Variants in CGGBP1 observed in about 807,000 individuals in gnomAD.
The protein encoded by CGGBP1 is CGG triplet repeat-binding protein 1.
CGGBP1 carries 4 observed loss-of-function variants against 11.4 expected under a neutral mutation model. The observed-to-expected ratio is 0.35, with a 90% CI of 0.17 to 0.80. CGGBP1 has a LOEUF of 0.80. Among genes scored for constraint, CGGBP1 ranks in the 30% least tolerant of loss-of-function variants. CGGBP1 has a pLI of 0.52. For synonymous variants in CGGBP1, 76 were observed against 74.1 expected, an observed-to-expected ratio of 1.03 and a Z score of -0.13; for missense variants, 135 against 202.1, an observed-to-expected ratio of 0.67 and a Z score of 2.01.
upstream of CGGBP1, chr3:88,059,604 C>T: frequency 2.8e-6 from 4 of 1,403,932 alleles, no homozygotes; most frequent in Middle Eastern, 1.9e-4. Flanking sequence ...TGTCCAGTGC[C>T]CGCTCCTCCC....
chr3:88,097,432 AG>A (rs1704129826), intron 2 of CGGBP1, among the ~76,000 whole-genome samples: 6 of 152,016 alleles, frequency 3.9e-5, no homozygotes, highest in Non-Finnish European at 7.4e-5. Flanking sequence ...ATGAGACAGA[AG>A]GTTAACAAGG....
At chr3:88,087,891 G>A (rs1708420794) in intron 2 of CGGBP1, among the ~76,000 whole-genome samples, 1 of 152,172 alleles carries the variant, frequency 6.6e-6, no homozygotes, top group African/African-American at 2.4e-5. Context: ...TCTGACATCT[G>A]AAATGCTCCA....
At chr3:88,146,828 T>TC (rs1363653928) in intron 1 of CGGBP1, among the ~76,000 whole-genome samples, 1 of 152,156 alleles carries the variant, frequency 6.6e-6, no homozygotes, top group African/African-American at 2.4e-5. Context: ...TCTTGATTAC[T>TC]CCCCCAGCAT....
intron 2 of CGGBP1, among the ~76,000 whole-genome samples, chr3:88,097,069 C>T (rs968766721): frequency 1.3e-5 from 2 of 152,092 alleles, no homozygotes; most frequent in African/African-American, 4.8e-5. Flanking sequence ...TAACCAGCCC[C>T]TTACTAATGG....
At chr3:88,139,507 T>C in intron 2 of CGGBP1, 1 of 1,613,498 alleles carries the variant, frequency 6.2e-7, no homozygotes, top group Non-Finnish European at 8.5e-7. Context: ...GATCAGGAAG[T>C]CACTGCTTTG....
chr3:88,082,729 G>GCTCCT (rs1708145589), intron 2 of CGGBP1, among the ~76,000 whole-genome samples: 1 of 152,174 alleles, frequency 6.6e-6, no homozygotes, highest in African/African-American at 2.4e-5. Flanking sequence ...CAAAAAAGGA[G>GCTCCT]AGCTCAATTA....
chr3:88,072,449 A>G (rs1294526884), intron 2 of CGGBP1, among the ~76,000 whole-genome samples: 1 of 152,108 alleles, frequency 6.6e-6, no homozygotes, highest in Non-Finnish European at 1.5e-5. Context: ...TAGCTCTGTG[A>G]CTTTTTCTTT....
At chr3:88,115,844 A>ATAT (rs1705356893) in intron 2 of CGGBP1, among the ~76,000 whole-genome samples, 2 of 152,140 alleles carry the variant, frequency 1.3e-5, no homozygotes, top group Non-Finnish European at 1.5e-5. Context: ...TTCCCAATGA[A>ATAT]GTGACAAAAA....
chr3:88,128,935 G>A (rs1559729140), intron 2 of CGGBP1: 1 of 1,535,336 alleles, frequency 6.5e-7, no homozygotes, highest in Non-Finnish European at 8.7e-7. Flanking sequence ...CCAGAAATCA[G>A]TAAAGACTTA....
At chr3:88,086,259 G>C (rs1174449239) in intron 2 of CGGBP1, 1 of 1,533,050 alleles carries the variant, frequency 6.5e-7, no homozygotes. Flanking sequence ...TCTGTCAGGT[G>C]GTTGAAGATT....
intron 2 of CGGBP1, among the ~76,000 whole-genome samples, chr3:88,103,565 G>A (rs1704557486): frequency 6.6e-6 from 1 of 151,952 alleles, no homozygotes; most frequent in Admixed American, 6.6e-5. Flanking sequence ...CAAAATAATG[G>A]CCATGAATTT....
At chr3:88,058,413 C>A (rs1466766805) in intron 1 of CGGBP1, among the ~76,000 whole-genome samples, 190 bp from the exon 2 acceptor site, 1 of 152,030 alleles carries the variant, frequency 6.6e-6, no homozygotes, top group Non-Finnish European at 1.5e-5. Context: ...GTGGTCCGCC[C>A]GCTTGGCACC....
intron 2 of CGGBP1, among the ~76,000 whole-genome samples, chr3:88,091,916 C>T (rs1488547659): frequency 5.3e-5 from 8 of 152,148 alleles, no homozygotes; most frequent in African/African-American, 1.9e-4. Context: ...TCGGGTATTT[C>T]TTCATAGCAG....
intron 1 of CGGBP1, chr3:88,144,166 G>T (rs1433161098): frequency 1.3e-5 from 2 of 152,336 alleles, no homozygotes; most frequent in Non-Finnish European, 2.9e-5. Context: ...ATATTATGGA[G>T]GAGGTAAAAA....
intron 1 of CGGBP1, chr3:88,141,708 A>G: frequency 3.0e-6 from 4 of 1,354,448 alleles, no homozygotes; most frequent in Non-Finnish European, 4.0e-6. Flanking sequence ...AAAGCACTAT[A>G]AGAAAATGCA....
intron 2 of CGGBP1, among the ~76,000 whole-genome samples, chr3:88,079,703 G>C (rs1412076742): frequency 6.6e-6 from 1 of 151,942 alleles, no homozygotes; most frequent in Non-Finnish European, 1.5e-5. Flanking sequence ...TGATTGTATG[G>C]AATATTAATA....
At chr3:88,106,168 A>G (rs540534044) in intron 2 of CGGBP1, among the ~76,000 whole-genome samples, 2 of 152,290 alleles carry the variant, frequency 1.3e-5, no homozygotes, top group African/African-American at 2.4e-5. Context: ...CAGCTGTACA[A>G]TGGACTAAGA....
intron 2 of CGGBP1, chr3:88,139,570 A>G (rs1176383173): frequency 6.2e-7 from 1 of 1,613,658 alleles, no homozygotes; most frequent in Non-Finnish European, 8.5e-7. Flanking sequence ...GGGAATTCTG[A>G]TAGTAAGGAT....
upstream of CGGBP1, among the ~76,000 whole-genome samples, chr3:88,060,952 T>C (rs1296721271): frequency 1.3e-5 from 2 of 152,192 alleles, no homozygotes; most frequent in Admixed American, 6.5e-5. Context: ...AGAAGTTGGT[T>C]TGAAGAGTAT....
Sources: allele counts gnomAD v4.1 joint callset (sites outside exome capture counted in the v4.1 genomes callset), GRCh38; gene constraint gnomAD v4.1.1; transcripts MANE v1.5; gene names NCBI Gene and HGNC (gene_info 2026-07-23, HGNC 2026-07-21).